Variants in ELAPOR2 observed in about 807,000 individuals in gnomAD.
The protein encoded by ELAPOR2 is endosome-lysosome associated apoptosis and autophagy regulator family member 2.
In ELAPOR2, 89 loss-of-function variants were observed where a neutral mutation model predicts 120.7. The ratio of observed to expected loss-of-function variants is 0.74; its 90% CI spans 0.62 to 0.88. The LOEUF (loss-of-function observed/expected upper bound fraction) is 0.88. ELAPOR2 is among the 40% of genes least tolerant of loss of function. ELAPOR2 has a pLI of 0.00. For missense variants in ELAPOR2, 1,134 were observed against 1,251.6 expected, an observed-to-expected ratio of 0.91 and a Z score of 1.42; for synonymous variants, 444 against 444.9, an observed-to-expected ratio of 1.00 and a Z score of 0.03.
At chr7:86,908,580 G>A in intron 16 of ELAPOR2, 37 bp from the exon 17 acceptor site, 1 of 947,418 alleles carries the variant, frequency 1.1e-6, no homozygotes, top group Non-Finnish European at 1.6e-6. Flanking sequence ...TAAGCAATAT[G>A]GAAAATTAGT....
At chr7:87,023,435 G>A (rs1337734673) in intron 1 of ELAPOR2, among the ~76,000 whole-genome samples, 1 of 152,012 alleles carries the variant, frequency 6.6e-6, no homozygotes, top group Admixed American at 6.6e-5. Context: ...TCTCTGTTTT[G>A]GTACCAGTAC....
intron 18 of ELAPOR2, among the ~76,000 whole-genome samples, chr7:86,903,873 T>A (rs935623079): frequency 2.0e-5 from 3 of 152,330 alleles, no homozygotes; most frequent in African/African-American, 7.2e-5. Flanking sequence ...AAGACCCTGT[T>A]TGAGGAAAGA....
rs745396048 is a variant in ELAPOR2, at chr7:86,913,109, G to A, written c.1827C>T (p.Leu609=). The A allele has an allele frequency of 3.2e-5, 51 of 1,613,932 alleles. No individual in the cohort carries two copies. The highest frequency in any genetic ancestry group is 2.3e-4 in the Admixed American group (14 of 59,990). ...ACGATGAACCCGACTGTTCAGAACC[G>A]AGGGCACAGGCACGGCATGAGGACG... ...GVASSCRACA[L]GSEQSGSSCV... Residue 609 remains leucine (L), a synonymous_variant, in exon 14 of 22, where the codon CTC becomes CTT. Transcript: ENST00000450689.
intron 1 of ELAPOR2, among the ~76,000 whole-genome samples, chr7:86,986,878 C>G (rs977596015): frequency 6.7e-6 from 1 of 150,052 alleles, no homozygotes; most frequent in Non-Finnish European, 1.5e-5. Context: ...AAAAAAGAGC[C>G]CACATTGCAG....
intron 8 of ELAPOR2, among the ~76,000 whole-genome samples, chr7:86,928,277 C>T (rs1487858479): frequency 6.6e-6 from 1 of 151,924 alleles, no homozygotes; most frequent in African/African-American, 2.4e-5. Flanking sequence ...GGGCTCTCAA[C>T]TCCCCTTAAG....
intron 1 of ELAPOR2, among the ~76,000 whole-genome samples, chr7:87,037,986 C>T (rs1794642717): frequency 6.6e-6 from 1 of 152,120 alleles, no homozygotes; most frequent in Non-Finnish European, 1.5e-5. Context: ...GCACTTAACC[C>T]ATCTGTACTA....
At chr7:87,057,347 A>G (rs1247380051) in intron 1 of ELAPOR2, among the ~76,000 whole-genome samples, 1 of 152,188 alleles carries the variant, frequency 6.6e-6, no homozygotes, top group African/African-American at 2.4e-5. Flanking sequence ...ACCAGATATC[A>G]AACAGATTCA....
intron 1 of ELAPOR2, among the ~76,000 whole-genome samples, chr7:86,973,471 T>G (rs930543183): frequency 6.6e-6 from 1 of 152,072 alleles, no homozygotes; most frequent in Non-Finnish European, 1.5e-5. Flanking sequence ...CAGGTTCTCT[T>G]TCAGGTCCAC....
At chr7:86,922,988 C>A (rs1382409789) in intron 10 of ELAPOR2, among the ~76,000 whole-genome samples, 1 of 151,850 alleles carries the variant, frequency 6.6e-6, no homozygotes, top group East Asian at 1.9e-4. Context: ...TTCACATAAA[C>A]CTCCCATCTC....
At chr7:86,968,071 T>C (rs555221208) in intron 1 of ELAPOR2, among the ~76,000 whole-genome samples, 132 of 152,270 alleles carry the variant, frequency 8.7e-4, no homozygotes, top group African/African-American at 3.0e-3. Context: ...CTTAAATCCA[T>C]AGAAAGATCT....
chr7:87,024,779 A>G (rs1794189158), intron 1 of ELAPOR2, among the ~76,000 whole-genome samples: 1 of 152,088 alleles, frequency 6.6e-6, no homozygotes, highest in Non-Finnish European at 1.5e-5. Flanking sequence ...AAACACCTCT[A>G]CACAAATAAA....
At chr7:86,907,944 T>C (rs182059399) in intron 17 of ELAPOR2, among the ~76,000 whole-genome samples, 173 bp from the exon 18 acceptor site, 1 of 152,036 alleles carries the variant, frequency 6.6e-6, no homozygotes, top group African/African-American at 2.4e-5. Context: ...TCATTGCCTA[T>C]GAAAAGTTGA....
chr7:87,049,406 C>T (rs1003923028), intron 1 of ELAPOR2, among the ~76,000 whole-genome samples: 3 of 152,088 alleles, frequency 2.0e-5, no homozygotes, highest in Non-Finnish European at 2.9e-5. Flanking sequence ...CTCAGCCTCC[C>T]GAGCAGCTGG....
chr7:86,967,876 C>A (rs960738656), intron 1 of ELAPOR2, among the ~76,000 whole-genome samples: 3 of 152,272 alleles, frequency 2.0e-5, no homozygotes, highest in Middle Eastern at 3.4e-3. Flanking sequence ...TAATTTATTT[C>A]TTTACAATTT....
In ELAPOR2 at chr7:86,913,198, G is replaced by A. The variant is rs202199924; in HGVS notation, c.1738C>T (p.Arg580Trp). ...ATCTTCACCATGTCATTGATGAACC[G>A]TCTATTCTAAAAAAAAGAGCATAAA... ...QRTNQGQDNR[R>W]FINDMVKIYS... The change falls in exon 14 of 22, where the codon CGG becomes TGG. Residue 580 changes from arginine to tryptophan, a missense_variant. Physicochemically the swap from Arg to Trp is moderately radical, Grantham distance 101 (BLOSUM62 -3). This residue lies in a region of ELAPOR2 where 831 missense variants were observed against 867.6 expected (regional missense o/e 0.96). Transcript: ENST00000450689. 3.3e-5 allele frequency: 54 copies of A among 1,612,518 alleles called. No individual in the cohort carries two copies. Among genetic ancestry groups the A allele is most frequent in the Admixed American group, 1.8e-4 (11 of 59,972 alleles).
intron 4 of ELAPOR2, 118 bp downstream of exon 4, chr7:86,944,781 A>AAC (rs201084356): frequency 7.0e-6 from 5 of 715,780 alleles, no homozygotes; most frequent in African/African-American, 1.8e-5. Context: ...AGGTTCAGTT[A>AAC]ACACACACAC....
At chr7:86,890,528 C>T (rs947299419) in intron 21 of ELAPOR2, among the ~76,000 whole-genome samples, 1 of 151,992 alleles carries the variant, frequency 6.6e-6, no homozygotes, top group Admixed American at 6.6e-5. Context: ...GGGAACACAG[C>T]CTTGTGGGCT....
rs1406734536 is a variant in ELAPOR2, at chr7:86,918,460, A to C, written c.1575T>G (p.Cys525Trp). The C allele has an allele frequency of 6.2e-7, 1 of 1,612,440 alleles. No homozygotes were observed. Among genetic ancestry groups the C allele is most frequent in the Non-Finnish European group, 8.5e-7 (1 of 1,178,908 alleles). ...CACTTACCACCATGAAGTACAAAAC[A>C]CAGTCAGCTGAACAGAGGGTCTCAA... ...FVFETLCSAD[C>W]VLYFMVDINR... The change falls in exon 12 of 22, where the codon TGT (cysteine) becomes TGG (tryptophan). Residue 525 changes from cysteine to tryptophan, a missense_variant. Physicochemically the swap from Cys to Trp is radical, Grantham distance 215. Around this residue, in one of 3 missense-constraint regions of ELAPOR2, gnomAD observed 831 missense variants for 867.6 expected, o/e 0.96. Transcript: ENST00000450689.
At position 86,912,885 on chromosome 7, in the gene ELAPOR2, A is replaced by G. The variant is rs1349882184; in HGVS notation, c.1995+56T>C. 1.9e-6 allele frequency: 3 copies of G among 1,579,694 alleles called. No homozygotes were observed. The East Asian group carries it at 6.8e-5, about 36-fold the overall frequency. On this transcript the variant is annotated intron_variant, in intron 14 of 21. Transcript: ENST00000450689. ...AGAGAAACATTAAGGAGAACGCTTGAATTTCTCTATTAAAATGTGCTTTCA... is the reference window on the plus strand; with the variant it reads ...AGAGAAACATTAAGGAGAACGCTTGGATTTCTCTATTAAAATGTGCTTTCA...
Sources: allele counts gnomAD v4.1 joint callset (sites outside exome capture counted in the v4.1 genomes callset), GRCh38; gene constraint gnomAD v4.1.1; regional missense constraint gnomAD v4.1.1; transcripts MANE v1.5; gene names NCBI Gene and HGNC (gene_info 2026-07-23, HGNC 2026-07-21).